Variants in C6orf118 observed in about 807,000 individuals in gnomAD.
C6orf118 encodes the protein uncharacterized protein C6orf118.
Under a neutral mutation model 50.2 loss-of-function variants are expected in C6orf118, and 50 were observed. The observed-to-expected ratio is 1.00, with a 90% confidence interval of 0.79 to 1.26. The LOEUF (loss-of-function observed/expected upper bound fraction) is 1.26. Among genes scored for constraint, C6orf118 ranks in the 50% most tolerant of loss-of-function variants. C6orf118 has a pLI of 0.00. For missense variants in C6orf118, 641 were observed against 578.7 expected (o/e 1.11, Z -1.10); for synonymous variants, 239 against 230.9 (o/e 1.03, Z -0.32).
chr6:165,289,844 G>T, intron 7 of C6orf118, 42 bp downstream of exon 7: 1 of 1,394,928 alleles, frequency 7.2e-7, no homozygotes, highest in Non-Finnish European at 9.6e-7. Flanking sequence ...AGGTCTTCAA[G>T]CAAAAGAATA....
At chr6:165,296,250 GTTTTTTTT>G (rs56394079) in intron 5 of C6orf118, among the ~76,000 whole-genome samples, 860 of 103,120 alleles carry the variant, frequency 8.3e-3, no homozygotes, top group Non-Finnish European at 0.014. Context: ...TTCGTTTTTT[GTTTTTTTT>G]TTTTTTTTTT....
At chr6:165,301,049 T>C (rs547269) in intron 2 of C6orf118, among the ~76,000 whole-genome samples, 15 of 151,834 alleles carry the variant, frequency 9.9e-5, no homozygotes, top group Admixed American at 9.8e-4. Flanking sequence ...GAACATCTGA[T>C]TTACTGTTGC....
chr6:165,308,494 C>T (rs1780825352), intron 1 of C6orf118, among the ~76,000 whole-genome samples: 1 of 152,152 alleles, frequency 6.6e-6, no homozygotes, highest in Admixed American at 6.5e-5. Flanking sequence ...CAGGGTCATG[C>T]CAACAAGTCC....
intron 7 of C6orf118, 153 bp from the exon 8 acceptor site, chr6:165,281,846 A>C: frequency 9.7e-6 from 4 of 412,096 alleles, no homozygotes. Flanking sequence ...CAAAGCATAA[A>C]ATGAAGGACA....
At position 165,309,583 on chromosome 6, in the gene C6orf118, C is replaced by A. The variant is rs1780869321; in HGVS notation, c.4G>T (p.Ala2Ser). 11 of 1,614,156 alleles carry A rather than the reference C, an allele frequency of 6.8e-6. No individual in the cohort carries two copies. Among genetic ancestry groups the A allele is most frequent in the Non-Finnish European group, 9.3e-6 (11 of 1,180,034 alleles). Reference protein sequence around the residue: MAEEREPELYLK... With the variant: MSEEREPELYLK... ...TTACATTCAGGCTCCCGCTCCTCCG[C>A]CATCGCTTCCTTCCCTCCAGCTGCC... The change falls in exon 1 of 9, where the codon GCG (alanine) becomes TCG (serine). Residue 2 changes from alanine (A) to serine (S), a missense_variant. Physicochemically the swap from Ala to Ser is moderately conservative, Grantham distance 99. Transcript: ENST00000230301.
intron 2 of C6orf118, among the ~76,000 whole-genome samples, 181 bp from the exon 3 acceptor site, chr6:165,300,667 T>C (rs1177842159): frequency 3.9e-5 from 6 of 152,024 alleles, no homozygotes; most frequent in Non-Finnish European, 7.4e-5. Context: ...TTTGTTTCCC[T>C]GGTCACCCAA....
At position 165,300,352 on chromosome 6, in the gene C6orf118, T is replaced by C. The variant is rs1780472930; in HGVS notation, c.876+12A>G. Reference sequence around the variant, plus strand: ...CTTCTCAACTGTTATGCTGAAGATGTATGTTTCTTACCTTAACTTTTTTCA... The same window carrying C: ...CTTCTCAACTGTTATGCTGAAGATGCATGTTTCTTACCTTAACTTTTTTCA... On this transcript the variant is annotated intron_variant, in intron 3 of 8. Transcript: ENST00000230301. 6.2e-7 allele frequency: 1 copy of C among 1,613,634 alleles called. No individual in the cohort carries two copies. The highest frequency in any genetic ancestry group is 8.5e-7 in the Non-Finnish European group (1 of 1,179,820).
At chr6:165,300,906 T>A (rs1055716977) in intron 2 of C6orf118, among the ~76,000 whole-genome samples, 15 of 140,766 alleles carry the variant, frequency 1.1e-4, no homozygotes, top group African/African-American at 4.6e-4. Context: ...CAGCCTACCG[T>A]AGATCTTCTG....
intron 8 of C6orf118, among the ~76,000 whole-genome samples, chr6:165,280,400 A>G (rs1269630381): frequency 6.6e-6 from 1 of 152,202 alleles, no homozygotes. Context: ...TTCATTGCCA[A>G]GGCCATGGGA....
At position 165,301,578 on chromosome 6, in the gene C6orf118, C is replaced by T; in HGVS notation, c.744G>A (p.Lys248=). The T allele has an allele frequency of 6.2e-7, 1 of 1,611,354 alleles. No individual in the cohort carries two copies. The highest frequency in any genetic ancestry group is 1.1e-5 in the South Asian group (1 of 90,808). Residue 248 remains lysine (K), a synonymous_variant, in exon 2 of 9, where the codon AAG becomes AAA. Transcript: ENST00000230301. ...GGGCTGCCCTCCTCACCTGCTGCAG[C>T]TTTCTCTCGTGGCCCGCGGCCGCCT... The part of the protein sequence containing the change: ...GSKAAAGHER[K]LQQELQKICT...
At chr6:165,286,718 T>G (rs1779916019) in intron 7 of C6orf118, among the ~76,000 whole-genome samples, 1 of 152,150 alleles carries the variant, frequency 6.6e-6, no homozygotes, top group African/African-American at 2.4e-5. Context: ...TCTATAAAAT[T>G]CAACATCCCT....
intron 1 of C6orf118, among the ~76,000 whole-genome samples, chr6:165,309,265 T>C (rs1327056820): frequency 1.3e-5 from 2 of 152,170 alleles, no homozygotes; most frequent in Non-Finnish European, 2.9e-5. Context: ...CCTCCTCCTC[T>C]TCAGGCTTCC....
intron 7 of C6orf118, among the ~76,000 whole-genome samples, chr6:165,288,276 A>C (rs114866471): frequency 0.023 from 3,440 of 152,320 alleles, 127 homozygotes; most frequent in African/African-American, 0.078. Flanking sequence ...AAAAGTCAAG[A>C]TACAACAGAT....
chr6:165,307,013 C>G (rs988481608), intron 1 of C6orf118, among the ~76,000 whole-genome samples: 1 of 152,134 alleles, frequency 6.6e-6, no homozygotes, highest in Non-Finnish European at 1.5e-5. Context: ...GAAATTATGA[C>G]TCTCTTACAA....
intron 5 of C6orf118, among the ~76,000 whole-genome samples, chr6:165,294,017 C>T (rs113502333): frequency 4.2e-4 from 64 of 152,102 alleles, no homozygotes; most frequent in Middle Eastern, 3.4e-3. Flanking sequence ...GAGGCTGAGG[C>T]GGGCAGATCA....
intron 2 of C6orf118, among the ~76,000 whole-genome samples, chr6:165,301,097 C>T (rs1382094297): frequency 6.6e-6 from 1 of 152,184 alleles, no homozygotes; most frequent in Non-Finnish European, 1.5e-5. Context: ...ATGGGCCTCC[C>T]CCAGCTGACC....
rs372654923 is a variant in C6orf118, at chr6:165,301,563, C to T, written c.753+6G>A. On this transcript the variant is annotated splice_donor_region_variant and intron_variant, in intron 2 of 8. Transcript: ENST00000230301. ...CCTGAGACCACCGCAGGGCTGCCCT[C>T]CTCACCTGCTGCAGCTTTCTCTCGT... 1.2e-6 allele frequency: 2 copies of T among 1,607,606 alleles called. No homozygotes were observed. The highest frequency in any genetic ancestry group is 2.7e-5 in the African/African-American group (2 of 74,854).
chr6:165,300,132 G>A (rs1780462996), intron 3 of C6orf118, among the ~76,000 whole-genome samples: 1 of 152,154 alleles, frequency 6.6e-6, no homozygotes, highest in South Asian at 2.1e-4. Flanking sequence ...GGAAGCTTTA[G>A]TGGGAAAATA....
At chr6:165,292,650 A>G (rs982192021) in intron 6 of C6orf118, among the ~76,000 whole-genome samples, 3 of 152,174 alleles carry the variant, frequency 2.0e-5, no homozygotes, top group Non-Finnish European at 2.9e-5. Context: ...ACGTGGTGGA[A>G]GAAGGAGGGA....
Sources: gnomAD v4.1 joint callset for allele counts (sites outside exome capture counted in the v4.1 genomes callset) on GRCh38, gnomAD v4.1.1 for gene constraint, MANE v1.5 for transcripts, NCBI Gene and HGNC (gene_info 2026-07-23, HGNC 2026-07-21) for gene names.